Variants in SMYD4 observed in about 807,000 individuals in gnomAD.
SMYD4 encodes the protein SET and MYND domain containing 4, also known as protein-lysine N-methyltransferase SMYD4.
In SMYD4, 68 loss-of-function variants were observed where a neutral mutation model predicts 72.8. The ratio of observed to expected loss-of-function variants is 0.93; its 90% CI spans 0.77 to 1.14. The LOEUF (loss-of-function observed/expected upper bound fraction) is 1.14. Ranked by LOEUF, SMYD4 falls within the 50% of genes most tolerant of loss-of-function variation. The pLI is 0.00. For synonymous variants in SMYD4, 407 were observed against 388.6 expected (o/e 1.05, Z -0.56); for missense variants, 984 against 1,003.7 (o/e 0.98, Z 0.27).
Position 1,800,461 on chromosome 17 carries a change from T to C in SMYD4, c.933A>G (p.Gly311=), listed in dbSNP as rs763755594. ...GGCTGCAATACTTGGCATAACTGCA[T>C]CCGTCACACGGAACTGTGGCCAAAG... The part of the protein sequence containing the change: ...KHTLATVPCD[G]CSYAKYCSQE... The change falls in exon 5 of 11, where the codon GGA becomes GGG. Residue 311 remains glycine (G), a synonymous_variant. Coordinates refer to ENST00000305513, the MANE Select transcript of SMYD4 (RefSeq NM_052928.3). The C allele has an allele frequency of 2.7e-5, 44 of 1,614,166 alleles. No homozygotes were observed. In the East Asian group the frequency reaches 9.8e-4, roughly 36 times the overall value.
intron 5 of SMYD4, among the ~76,000 whole-genome samples, chr17:1,793,845 G>C (rs1190204456): frequency 1.3e-5 from 2 of 150,238 alleles, no homozygotes; most frequent in African/African-American, 2.5e-5. Flanking sequence ...TTTTTGAGAG[G>C]AAGTTTCACT....
chr17:1,809,383 T>TATTA (rs56237050), intron 3 of SMYD4, among the ~76,000 whole-genome samples: 3 of 149,590 alleles, frequency 2.0e-5, no homozygotes, highest in Non-Finnish European at 3.0e-5. Context: ...TTATTATTAT[T>TATTA]TTTTTTTTTG....
Position 1,812,084 on chromosome 17 carries a change from A to G in SMYD4, c.166T>C (p.Ser56Pro), listed in dbSNP as rs1437616923. ...PEDELFLKRL[S>P]KGYLVGKDSD... The stretch of plus-strand genomic sequence containing the variant: ...TCCTTTCCCACCAAGTAACCTTTAG[A>G]AAGTCTTTTTAGAAACAGCTCATCC... Residue 56 changes from serine (S) to proline (P), a missense_variant, in exon 3 of 11, where the codon TCT becomes CCT. Transcript: ENST00000305513. 1 of 1,614,034 alleles carries G rather than the reference A, an allele frequency of 6.2e-7. No individual in the cohort carries two copies. Among genetic ancestry groups the G allele is most frequent in the Non-Finnish European group, 8.5e-7 (1 of 1,180,032 alleles).
At position 1,812,061 on chromosome 17, in the gene SMYD4, C is replaced by A. The variant is rs144124034; in HGVS notation, c.189G>T (p.Lys63Asn). 7 of 1,613,978 alleles carry A rather than the reference C, an allele frequency of 4.3e-6. No individual in the cohort carries two copies. The Admixed American group carries it at 1.2e-4, about 27-fold the overall frequency. The change falls in exon 3 of 11, where the codon AAG becomes AAT. Residue 63 changes from lysine to asparagine, a missense_variant. Lys to Asn is a moderately conservative substitution (Grantham distance 94). Transcript: ENST00000305513. ...KRLSKGYLVGKDSDAPLFYRE... is the reference protein window; with the variant it reads ...KRLSKGYLVGNDSDAPLFYRE... ...TGTAGAAAAGAGGAGCGTCCGAGTC[C>A]TTTCCCACCAAGTAACCTTTAGAAA...
chr17:1,810,717 C>G (rs1056233492), intron 3 of SMYD4, among the ~76,000 whole-genome samples: 10 of 152,244 alleles, frequency 6.6e-5, no homozygotes, highest in Admixed American at 1.3e-4. Context: ...GCCACGCCCC[C>G]CAGCCTGGGC....
intron 2 of SMYD4, among the ~76,000 whole-genome samples, chr17:1,814,383 C>T (rs974192123): frequency 6.6e-6 from 1 of 152,158 alleles, no homozygotes; most frequent in African/African-American, 2.4e-5. Flanking sequence ...CAAAGACCCA[C>T]AATAAGGAAC....
Position 1,812,133 on chromosome 17 carries a change from G to C in SMYD4, c.135-18C>G. On this transcript the variant is annotated intron_variant, in intron 2 of 10. Coordinates refer to ENST00000305513, the MANE Select transcript of SMYD4 (RefSeq NM_052928.3). ...CCTCAGGTCTGCATGAAGAAAGGAG[G>C]AAACAAAGTAAGCAGAAATGTGTTA... 6.2e-7 allele frequency: 1 copy of C among 1,608,452 alleles called. No individual in the cohort carries two copies.
At chr17:1,814,224 G>A (rs935394315) in intron 2 of SMYD4, among the ~76,000 whole-genome samples, 2 of 152,098 alleles carry the variant, frequency 1.3e-5, no homozygotes, top group Non-Finnish European at 2.9e-5. Flanking sequence ...AGGACTGCCT[G>A]AGCCCAGGAA....
At chr17:1,824,466 T>A (rs1187257989) in intron 2 of SMYD4, among the ~76,000 whole-genome samples, 1 of 152,082 alleles carries the variant, frequency 6.6e-6, no homozygotes, top group Non-Finnish European at 1.5e-5. Context: ...CGTGGCTGTG[T>A]CCCCACCCAA....
At chr17:1,794,415 G>A (rs769279626) in intron 5 of SMYD4, among the ~76,000 whole-genome samples, 9 of 151,022 alleles carry the variant, frequency 6.0e-5, no homozygotes, top group East Asian at 1.9e-4. Flanking sequence ...CAACACGCCC[G>A]GCCATCCTTT....
At chr17:1,814,284 G>A (rs1024990351) in intron 2 of SMYD4, among the ~76,000 whole-genome samples, 2 of 152,114 alleles carry the variant, frequency 1.3e-5, no homozygotes, top group Non-Finnish European at 2.9e-5. Flanking sequence ...AAGCCTGGGT[G>A]ACAGGGCAAG....
At chr17:1,819,154 C>T (rs929923427) in intron 2 of SMYD4, among the ~76,000 whole-genome samples, 2 of 151,686 alleles carry the variant, frequency 1.3e-5, no homozygotes, top group African/African-American at 2.4e-5. Flanking sequence ...GTCAGGAGTT[C>T]GAGACCACCC....
intron 10 of SMYD4, 35 bp downstream of exon 10, chr17:1,783,000 C>T: frequency 1.3e-6 from 2 of 1,588,910 alleles, no homozygotes; most frequent in Non-Finnish European, 1.7e-6. Context: ...AGGAAAGGAA[C>T]AGTGTGTGCC....
At chr17:1,782,352 C>G (rs924391204) in intron 10 of SMYD4, 3 of 151,934 alleles carry the variant, frequency 2.0e-5, no homozygotes, top group African/African-American at 7.3e-5. Context: ...CCAGCAGCAC[C>G]CCCCTTCCAA....
At position 1,811,430 on chromosome 17, in the gene SMYD4, G is replaced by A. The variant is rs187490088; in HGVS notation, c.279+541C>T. ...ACCCCTGGCCTCAAGTGATCCTCCC[G>A]ACTCAGCCTCCCAAAGGGCTGGGAT... On this transcript the variant is annotated intron_variant, in intron 3 of 10. Transcript: ENST00000305513. 3.7e-4 allele frequency among the ~76,000 whole-genome samples: 57 copies of A among 152,268 alleles called. No homozygotes were observed. In the East Asian group the frequency reaches 5.2e-3, roughly 14 times the overall value.
chr17:1,820,668 G>A (rs920069929), intron 2 of SMYD4, among the ~76,000 whole-genome samples: 2 of 152,182 alleles, frequency 1.3e-5, no homozygotes, highest in Admixed American at 1.3e-4. Flanking sequence ...GGATAGTGAA[G>A]CTATTAAGAA....
At chr17:1,815,092 C>A (rs1473037709) in intron 2 of SMYD4, among the ~76,000 whole-genome samples, 2 of 150,986 alleles carry the variant, frequency 1.3e-5, no homozygotes, top group African/African-American at 4.9e-5. Context: ...GAGATGGAGT[C>A]TCACTCTGTC....
chr17:1,829,079 C>T (rs1911375454), intron 1 of SMYD4, among the ~76,000 whole-genome samples: 1 of 152,192 alleles, frequency 6.6e-6, no homozygotes, highest in African/African-American at 2.4e-5. Flanking sequence ...ATTGGCACCA[C>T]TCCCCACTTT....
In SMYD4 at chr17:1,781,305, G is replaced by T. The variant is rs754505277; in HGVS notation, c.2396C>A (p.Pro799His). Reference sequence around the variant, plus strand: ...GGAACCCTACAATGCAGGCCCTACAGGGGTGGGTGGTAAGTCCAACAAACA... The same window carrying T: ...GGAACCCTACAATGCAGGCCCTACATGGGTGGGTGGTAAGTCCAACAAACA... ...KSCLLDLPPT[P>H]VGPAL The change falls in exon 11 of 11, where the codon CCT becomes CAT. Residue 799 changes from proline (P) to histidine (H), a missense_variant. By Grantham distance (77) the Pro-to-His change is moderately conservative. Coordinates refer to ENST00000305513, the MANE Select transcript of SMYD4 (RefSeq NM_052928.3). The T allele has an allele frequency of 7.4e-5, 120 of 1,613,382 alleles. No homozygotes were observed. The highest frequency in any genetic ancestry group is 9.1e-5 in the Non-Finnish European group (107 of 1,180,024).
Sources: allele counts gnomAD v4.1 joint callset (sites outside exome capture counted in the v4.1 genomes callset), GRCh38; gene constraint gnomAD v4.1.1; transcripts MANE v1.5; gene names NCBI Gene and HGNC (gene_info 2026-07-23, HGNC 2026-07-21).